Variants in RBFOX1 observed in about 807,000 individuals in gnomAD.
RBFOX1 encodes RNA binding protein fox-1 homolog 1.
Under a neutral mutation model 57.7 loss-of-function variants are expected in RBFOX1, and 8 were observed. The ratio of observed to expected loss-of-function variants is 0.14; its 90% CI spans 0.08 to 0.25. The LOEUF (loss-of-function observed/expected upper bound fraction) is 0.25. Ranked by LOEUF, RBFOX1 falls within the 10% of genes least tolerant of loss-of-function variation. The pLI is 1.00. For missense variants in RBFOX1, 611 were observed against 548.5 expected (o/e 1.11, Z -1.14); for synonymous variants, 326 against 222.4 (o/e 1.47, Z -4.15).
intron 3 of RBFOX1, among the ~76,000 whole-genome samples, chr16:6,893,709 C>G (rs542220834): frequency 6.6e-6 from 1 of 152,276 alleles, no homozygotes; most frequent in South Asian, 2.1e-4. Context: ...AATATCTTTT[C>G]AGTGTAATTT....
chr16:7,699,062 C>A (rs74011861), intron 14 of RBFOX1, among the ~76,000 whole-genome samples: 3,625 of 152,252 alleles, frequency 0.024, 140 homozygotes, highest in African/African-American at 0.077. Flanking sequence ...TTGTCGCCTT[C>A]CCCTGCCCCT....
chr16:5,255,744 C>G (rs961189982), intron 1 of RBFOX1, among the ~76,000 whole-genome samples: 2 of 151,922 alleles, frequency 1.3e-5, no homozygotes, highest in Non-Finnish European at 2.9e-5. Flanking sequence ...GCTTGTACTT[C>G]TGTTCATTTA....
At chr16:6,013,049 TATC>T (rs547062783) in intron 4 of RBFOX1, among the ~76,000 whole-genome samples, 105 of 152,176 alleles carry the variant, frequency 6.9e-4, no homozygotes, top group African/African-American at 2.4e-3. Context: ...ATGTTAATTA[TATC>T]ATCATCATCA....
chr16:6,606,412 T>G (rs574906070), intron 2 of RBFOX1, among the ~76,000 whole-genome samples: 14 of 152,322 alleles, frequency 9.2e-5, no homozygotes, highest in African/African-American at 3.4e-4. Context: ...CGTGCAGATT[T>G]GTTACACAGG....
At chr16:7,397,734 T>A (rs1256096908) in intron 4 of RBFOX1, among the ~76,000 whole-genome samples, 1 of 152,186 alleles carries the variant, frequency 6.6e-6, no homozygotes, top group Non-Finnish European at 1.5e-5. Flanking sequence ...GTGTATTCAC[T>A]CTTAGTTTTG....
At chr16:6,792,581 G>A (rs958309159) in intron 3 of RBFOX1, among the ~76,000 whole-genome samples, 2 of 152,170 alleles carry the variant, frequency 1.3e-5, no homozygotes, top group African/African-American at 4.8e-5. Context: ...ATGTAGTACT[G>A]TGCCTCCTAC....
intron 4 of RBFOX1, among the ~76,000 whole-genome samples, chr16:5,991,652 T>G (rs1352369777): frequency 6.6e-6 from 1 of 151,030 alleles, no homozygotes; most frequent in South Asian, 2.1e-4. Flanking sequence ...ATAGTTTTTT[T>G]TTTTTTTTTT....
intron 1 of RBFOX1, among the ~76,000 whole-genome samples, chr16:6,301,285 C>T (rs754406921): frequency 5.9e-5 from 9 of 152,038 alleles, no homozygotes; most frequent in Non-Finnish European, 1.3e-4. Context: ...TGTCACATGC[C>T]AAAGAATGTA....
intron 3 of RBFOX1, among the ~76,000 whole-genome samples, chr16:7,044,031 G>C (rs552077121): frequency 2.3e-4 from 35 of 152,268 alleles, no homozygotes; most frequent in African/African-American, 7.7e-4. Flanking sequence ...CTGTACAAAT[G>C]TTCTCTGTAT....
At chr16:6,540,254 A>C (rs934503476) in intron 2 of RBFOX1, among the ~76,000 whole-genome samples, 1 of 151,630 alleles carries the variant, frequency 6.6e-6, no homozygotes, top group Non-Finnish European at 1.5e-5. Context: ...AATTTGTGCA[A>C]TTCTCCCTCA....
chr16:6,326,571 G>C (rs905092918), intron 2 of RBFOX1, among the ~76,000 whole-genome samples: 6 of 152,046 alleles, frequency 3.9e-5, no homozygotes, highest in African/African-American at 1.4e-4. Context: ...TCCTCTCAGG[G>C]TTGTTTCGTC....
Position 6,656,905 on chromosome 16 carries a change from C to G in RBFOX1, c.-16+2255C>G, listed in dbSNP as rs557679037. Among the ~76,000 whole-genome samples, 1,248 of 145,478 alleles carry G rather than the reference C, an allele frequency of 8.6e-3. 29 individuals carry two copies. The highest frequency in any genetic ancestry group is 0.031 in the African/African-American group (1,161 of 37,960). ...CTCCTCTCCTCTCCTCCCCTCAACT[C>G]TCCTCTCCTCCCCTCTCCTCTCCTC... is the stretch of plus-strand genomic sequence containing the variant. On this transcript the variant is annotated intron_variant, in intron 3 of 15. Coordinates refer to ENST00000550418, the MANE Select transcript of RBFOX1 (RefSeq NM_018723.4).
intron 3 of RBFOX1, among the ~76,000 whole-genome samples, chr16:6,959,528 T>G (rs1160972205): frequency 5.9e-5 from 9 of 152,156 alleles, no homozygotes; most frequent in Non-Finnish European, 1.3e-4. Context: ...TCTCATTCTG[T>G]GTGCATTTGG....
At chr16:6,051,230 C>A (rs2095548941) in intron 1 of RBFOX1, among the ~76,000 whole-genome samples, 1 of 151,880 alleles carries the variant, frequency 6.6e-6, no homozygotes, top group African/African-American at 2.4e-5. Flanking sequence ...AGAGTCTTAT[C>A]ATCTGTTCCC....
chr16:5,580,275 G>A (rs990464102), intron 2 of RBFOX1, among the ~76,000 whole-genome samples: 3 of 152,208 alleles, frequency 2.0e-5, no homozygotes, highest in Non-Finnish European at 4.4e-5. Context: ...GGTTCTGGGA[G>A]CGCCGGCTGA....
intron 2 of RBFOX1, among the ~76,000 whole-genome samples, chr16:6,426,577 G>A (rs956057136): frequency 2.6e-5 from 4 of 152,110 alleles, no homozygotes; most frequent in Admixed American, 2.6e-4. Flanking sequence ...GCTGCAGTGA[G>A]CCATGATTGT....
intron 1 of RBFOX1, among the ~76,000 whole-genome samples, chr16:6,281,397 C>G (rs145533132): frequency 3.3e-4 from 50 of 152,266 alleles, no homozygotes; most frequent in African/African-American, 1.2e-3. Flanking sequence ...ATTTTCCACA[C>G]CAACTCCGGA....
At chr16:6,653,008 T>G (rs1457707417) in intron 2 of RBFOX1, among the ~76,000 whole-genome samples, 1 of 152,176 alleles carries the variant, frequency 6.6e-6, no homozygotes, top group Non-Finnish European at 1.5e-5. Context: ...TTTATTTTCC[T>G]CTCTTACTTC....
rs1369291569 is a variant in RBFOX1 at position 6,019,674 on chromosome 16, C to G, written c.-445C>G. On this transcript the variant is annotated 5_prime_UTR_variant, in exon 1 of 16. Coordinates refer to ENST00000550418, the MANE Select transcript of RBFOX1 (RefSeq NM_018723.4). This position sits in a 1 kb window ranked among gnomAD's most constrained non-coding sequence, Gnocchi z 4.2. ...GTGGGCCCCGCCCCGGCGTCCGGAG[C>G]AGGAGAACTCCGAGCTTCTTGCCCA... 7.5e-7 allele frequency: 1 copy of G among 1,327,574 alleles called. No individual in the cohort carries two copies. The highest frequency in any genetic ancestry group is 1.5e-5 in the African/African-American group (1 of 65,112). 82.2% of individuals were successfully genotyped at this position (1,327,574 alleles called of 1,614,324 possible). A position where few individuals can be genotyped will look rare whatever the true frequency, so the allele number is the denominator to read the frequency against.
Sources: gnomAD v4.1 joint callset for allele counts (sites outside exome capture counted in the v4.1 genomes callset) on GRCh38, gnomAD v4.1.1 for gene constraint, Gnocchi (gnomAD v3.1) non-coding constraint, MANE v1.5 for transcripts, NCBI Gene and HGNC (gene_info 2026-07-23, HGNC 2026-07-21) for gene names.